Variants in TNFSF4 observed in about 807,000 individuals in gnomAD.
TNFSF4 encodes tumor necrosis factor ligand superfamily member 4.
Under a neutral mutation model 7.3 loss-of-function variants are expected in TNFSF4, and 4 were observed. That is an observed-to-expected ratio of 0.55 (90% CI 0.27 to 1.25). The LOEUF is 1.25. TNFSF4 is among the 50% of genes most tolerant of loss of function. The pLI, the probability that TNFSF4 is intolerant of heterozygous loss-of-function variation, is 0.12. For missense variants in TNFSF4, 181 were observed against 208.8 expected (o/e 0.87, Z 0.82); for synonymous variants, 76 against 83.7 (o/e 0.91, Z 0.50).
the TNFSF4 span, among the ~76,000 whole-genome samples, chr1:173,425,646 G>A: frequency 6.6e-6 from 1 of 152,194 alleles, no homozygotes; most frequent in Non-Finnish European, 1.5e-5. Flanking sequence ...CATAAAAACA[G>A]ACAGAAAAGG....
chr1:173,366,783 C>A, the TNFSF4 span, among the ~76,000 whole-genome samples: 5 of 103,036 alleles, frequency 4.9e-5, no homozygotes, highest in African/African-American at 2.1e-4. Flanking sequence ...AAAATTAAAA[C>A]TTAAAAATTA....
At chr1:173,445,219 T>G in the TNFSF4 span, among the ~76,000 whole-genome samples, 1 of 152,108 alleles carries the variant, frequency 6.6e-6, no homozygotes, top group Non-Finnish European at 1.5e-5. Flanking sequence ...CTCTGAAAGG[T>G]AAAGAAATGC....
the TNFSF4 span, among the ~76,000 whole-genome samples, chr1:173,389,813 T>G: frequency 1.3e-5 from 2 of 152,200 alleles, no homozygotes; most frequent in Non-Finnish European, 2.9e-5. Context: ...CTAATGTCAG[T>G]GACTACTATA....
chr1:173,181,496 C>T (rs1258506724), downstream of TNFSF4, among the ~76,000 whole-genome samples: 1 of 152,196 alleles, frequency 6.6e-6, no homozygotes, highest in South Asian at 2.1e-4. Context: ...AGGATATGAT[C>T]AAAGTCAATC....
the TNFSF4 span, among the ~76,000 whole-genome samples, chr1:173,285,622 A>G: frequency 6.6e-6 from 1 of 152,292 alleles, no homozygotes; most frequent in East Asian, 1.9e-4. Flanking sequence ...TTCAGCAACC[A>G]CCACCCTGAT....
the TNFSF4 span, among the ~76,000 whole-genome samples, chr1:173,330,128 G>A: frequency 1.3e-5 from 2 of 152,056 alleles, no homozygotes; most frequent in African/African-American, 4.8e-5. Flanking sequence ...GAGAAAAATA[G>A]GGAACTCCTC....
chr1:173,313,441 C>T, the TNFSF4 span, among the ~76,000 whole-genome samples: 1 of 152,012 alleles, frequency 6.6e-6, no homozygotes, highest in African/African-American at 2.4e-5. Flanking sequence ...TTTGGAATAT[C>T]GGATTTACAA....
the TNFSF4 span, among the ~76,000 whole-genome samples, chr1:173,367,927 AAG>A: frequency 3.3e-4 from 50 of 152,182 alleles, 1 homozygote; most frequent in Non-Finnish European, 5.9e-4. Context: ...TCTGTCTTAC[AAG>A]AGGATTGTAA....
chr1:173,316,015 T>C, the TNFSF4 span, among the ~76,000 whole-genome samples: 1 of 152,196 alleles, frequency 6.6e-6, no homozygotes, highest in South Asian at 2.1e-4. Flanking sequence ...AGTAGTTTCA[T>C]GGTTTTAGGT....
At chr1:173,368,261 A>G in the TNFSF4 span, among the ~76,000 whole-genome samples, 3 of 151,786 alleles carry the variant, frequency 2.0e-5, no homozygotes, top group Non-Finnish European at 4.4e-5. Flanking sequence ...TTCACAATAA[A>G]CTTTGCTACC....
At chr1:173,206,640 C>T (rs546526424) in intron 1 of TNFSF4, among the ~76,000 whole-genome samples, 42 of 152,322 alleles carry the variant, frequency 2.8e-4, no homozygotes, top group African/African-American at 9.1e-4. Context: ...GAACTGGTCT[C>T]TTTCCTATTT....
the TNFSF4 span, among the ~76,000 whole-genome samples, chr1:173,344,914 C>A: frequency 6.6e-6 from 1 of 152,178 alleles, no homozygotes; most frequent in African/African-American, 2.4e-5. Context: ...AAGTAAAGAT[C>A]TCTCCTCAAA....
At chr1:173,364,866 A>G in the TNFSF4 span, among the ~76,000 whole-genome samples, 2 of 152,120 alleles carry the variant, frequency 1.3e-5, no homozygotes, top group Non-Finnish European at 2.9e-5. Flanking sequence ...AATTTTAAGA[A>G]AAAAATATAT....
chr1:173,379,594 G>A, the TNFSF4 span, among the ~76,000 whole-genome samples: 1 of 152,070 alleles, frequency 6.6e-6, no homozygotes, highest in Non-Finnish European at 1.5e-5. Context: ...GCGAGCCCTG[G>A]GCCCTGAACA....
the TNFSF4 span, among the ~76,000 whole-genome samples, chr1:173,378,887 C>G: frequency 1.9e-4 from 4 of 20,892 alleles, no homozygotes; most frequent in East Asian, 5.1e-3. Context: ...TCCCCCCCCA[C>G]CACAGGCTAT....
At chr1:173,394,244 A>G in the TNFSF4 span, among the ~76,000 whole-genome samples, 4 of 149,484 alleles carry the variant, frequency 2.7e-5, no homozygotes, top group Non-Finnish European at 5.9e-5. Flanking sequence ...AAAAACTAAC[A>G]TCACTCCTAA....
At chr1:173,378,114 G>A in the TNFSF4 span, among the ~76,000 whole-genome samples, 4 of 152,316 alleles carry the variant, frequency 2.6e-5, no homozygotes, top group East Asian at 3.9e-4. Context: ...GACTAAATCC[G>A]ACCTTCCTCG....
chr1:173,381,194 T>A, the TNFSF4 span, among the ~76,000 whole-genome samples: 1 of 152,038 alleles, frequency 6.6e-6, no homozygotes, highest in Non-Finnish European at 1.5e-5. Flanking sequence ...TACTCTACAA[T>A]CCCAAATAGA....
the TNFSF4 span, among the ~76,000 whole-genome samples, chr1:173,314,981 T>C: frequency 6.6e-6 from 1 of 151,942 alleles, no homozygotes; most frequent in Non-Finnish European, 1.5e-5. Context: ...GGCAACACAG[T>C]GGAAACTCAA....
Sources: allele counts gnomAD v4.1 joint callset (sites outside exome capture counted in the v4.1 genomes callset), GRCh38; gene constraint gnomAD v4.1.1; transcripts MANE v1.5; gene names NCBI Gene and HGNC (gene_info 2026-07-23, HGNC 2026-07-21).